Variants in CDH18 observed in about 807,000 individuals in gnomAD.
The protein encoded by CDH18 is cadherin-18.
In CDH18, 31 loss-of-function variants were observed where a neutral mutation model predicts 67.9. The ratio of observed to expected loss-of-function variants is 0.46; its 90% CI spans 0.34 to 0.62. The LOEUF (loss-of-function observed/expected upper bound fraction) is 0.62, where lower values mean the gene tolerates loss of function less well. Ranked by LOEUF, CDH18 falls within the 20% of genes least tolerant of loss-of-function variation. The pLI, the probability that CDH18 is intolerant of heterozygous loss-of-function variation, is 0.01. For missense variants in CDH18, 890 were observed against 975.5 expected, an observed-to-expected ratio of 0.91 and a Z score of 1.17; for synonymous variants, 362 against 347.2, an observed-to-expected ratio of 1.04 and a Z score of -0.48.
At chr5:20,042,510 C>T (rs748764940) in intron 2 of CDH18, among the ~76,000 whole-genome samples, 5 of 152,028 alleles carry the variant, frequency 3.3e-5, no homozygotes, top group Non-Finnish European at 5.9e-5. Flanking sequence ...TTTTTTCACA[C>T]AAAAACATAA....
chr5:19,836,130 A>C (rs1026600226), intron 3 of CDH18, among the ~76,000 whole-genome samples: 2 of 152,288 alleles, frequency 1.3e-5, no homozygotes, highest in Admixed American at 1.3e-4. Flanking sequence ...AATTTTAAGA[A>C]ATATGCATCA....
chr5:20,099,497 T>C (rs1302467373), intron 2 of CDH18, among the ~76,000 whole-genome samples: 3 of 152,294 alleles, frequency 2.0e-5, no homozygotes, highest in Non-Finnish European at 4.4e-5. Context: ...TTTTTCAGGA[T>C]AAAATTATTG....
intron 1 of CDH18, among the ~76,000 whole-genome samples, chr5:20,353,294 C>T (rs189297056): frequency 2.0e-5 from 3 of 152,230 alleles, no homozygotes; most frequent in African/African-American, 4.8e-5. Flanking sequence ...TGCATACATG[C>T]GCTTGCCAGT....
intron 1 of CDH18, among the ~76,000 whole-genome samples, chr5:20,571,454 T>C (rs1230395693): frequency 2.6e-5 from 4 of 152,108 alleles, no homozygotes; most frequent in Non-Finnish European, 4.4e-5. Context: ...TCAAGTCACA[T>C]TGCTTAATAA....
At position 19,647,527 on chromosome 5, in the gene CDH18, C is replaced by CAAAAAAAAAA. The variant is rs3062888; in HGVS notation, c.644-34936_644-34927dup. Among the ~76,000 whole-genome samples, 32 of 28,808 alleles carry CAAAAAAAAAA rather than the reference C, an allele frequency of 1.1e-3. 3 individuals are homozygous for CAAAAAAAAAA. Among genetic ancestry groups the CAAAAAAAAAA allele is most frequent in the South Asian group, 3.0e-3 (1 of 336 alleles). 18.9% of individuals were successfully genotyped at this position (28,808 alleles called of 152,430 possible). A position where few individuals can be genotyped will look rare whatever the true frequency, so the allele number is the denominator to read the frequency against. On this transcript the variant is annotated intron_variant, in intron 5 of 12. Coordinates refer to ENST00000382275, the MANE Select transcript of CDH18 (RefSeq NM_004934.5). ...CCCAGGTGACAGAGCGAGACTCCATCAAAAAAAAAAAAAAAAAAAAAAAAA... is the reference window on the plus strand; with the variant it reads ...CCCAGGTGACAGAGCGAGACTCCATCAAAAAAAAAAAAAAAAAAAAAAAAAAAAAAAAAAA...
chr5:19,677,605 G>T (rs1580824735), intron 5 of CDH18, among the ~76,000 whole-genome samples: 1 of 151,792 alleles, frequency 6.6e-6, no homozygotes, highest in Admixed American at 6.6e-5. Context: ...CCAATTAAAA[G>T]GAACAGAGTG....
intron 2 of CDH18, among the ~76,000 whole-genome samples, chr5:20,232,057 TAAGAG>T (rs1355804028): frequency 1.3e-5 from 2 of 152,124 alleles, no homozygotes; most frequent in African/African-American, 2.4e-5. Context: ...TCACTGTCTT[TAAGAG>T]AAAAGAGCAA....
intron 1 of CDH18, among the ~76,000 whole-genome samples, chr5:20,278,564 T>C (rs1203528140): frequency 1.3e-5 from 2 of 152,086 alleles, no homozygotes; most frequent in Non-Finnish European, 2.9e-5. Context: ...TAAAATATAA[T>C]TGAAGGTTAA....
chr5:20,338,654 T>G (rs2150039578), intron 1 of CDH18, among the ~76,000 whole-genome samples: 1 of 152,346 alleles, frequency 6.6e-6, no homozygotes, highest in Admixed American at 6.5e-5. Context: ...CCAGTTGCAA[T>G]GGAACTGAAA....
chr5:20,024,816 T>C (rs1187980639), intron 2 of CDH18, among the ~76,000 whole-genome samples: 1 of 152,126 alleles, frequency 6.6e-6, no homozygotes, highest in Non-Finnish European at 1.5e-5. Context: ...TGGTGGGGGC[T>C]AAAGCCATGT....
chr5:20,379,027 C>A (rs142464210), intron 1 of CDH18, among the ~76,000 whole-genome samples: 2 of 152,216 alleles, frequency 1.3e-5, no homozygotes, highest in East Asian at 3.9e-4. Flanking sequence ...GGCATGCTGT[C>A]TACACTCTAT....
chr5:20,189,824 T>G (rs1482154480), intron 2 of CDH18, among the ~76,000 whole-genome samples: 1 of 152,122 alleles, frequency 6.6e-6, no homozygotes, highest in Non-Finnish European at 1.5e-5. Flanking sequence ...ACTATGCCAG[T>G]TATTTATTTG....
At chr5:20,168,506 T>C (rs1736464705) in intron 2 of CDH18, among the ~76,000 whole-genome samples, 1 of 152,072 alleles carries the variant, frequency 6.6e-6, no homozygotes, top group African/African-American at 2.4e-5. Flanking sequence ...ATAATATCTA[T>C]TGGTGAGAGG....
At chr5:20,402,174 C>A (rs1196878639) in intron 1 of CDH18, among the ~76,000 whole-genome samples, 1 of 152,050 alleles carries the variant, frequency 6.6e-6, no homozygotes, top group Non-Finnish European at 1.5e-5. Flanking sequence ...CTACATGTAA[C>A]CTACTCAGAA....
chr5:20,315,656 T>C (rs1580733538), intron 1 of CDH18, among the ~76,000 whole-genome samples: 1 of 152,124 alleles, frequency 6.6e-6, no homozygotes, highest in South Asian at 2.1e-4. Flanking sequence ...CATTCCCACA[T>C]TGTGGATTTT....
At chr5:19,686,529 C>T (rs1048251634) in intron 5 of CDH18, among the ~76,000 whole-genome samples, 1 of 152,058 alleles carries the variant, frequency 6.6e-6, no homozygotes, top group Non-Finnish European at 1.5e-5. Flanking sequence ...GTTTAAAATG[C>T]CTATTTATGT....
intron 2 of CDH18, among the ~76,000 whole-genome samples, chr5:19,969,624 C>G (rs1797827223): frequency 6.7e-6 from 1 of 149,184 alleles, no homozygotes; most frequent in South Asian, 2.1e-4. Flanking sequence ...TGTTCTCACT[C>G]ATAGGTGGGA....
chr5:19,655,945 G>A (rs1756304896), intron 5 of CDH18, among the ~76,000 whole-genome samples: 1 of 149,942 alleles, frequency 6.7e-6, no homozygotes, highest in Non-Finnish European at 1.5e-5. Context: ...CCCATACACA[G>A]AGGAAGCACG....
intron 1 of CDH18, among the ~76,000 whole-genome samples, chr5:20,507,389 T>C (rs113645232): frequency 1.3e-5 from 2 of 152,340 alleles, no homozygotes; most frequent in African/African-American, 2.4e-5. Context: ...AATAATGTTA[T>C]ATTAACATTA....
Sources: allele counts gnomAD v4.1 joint callset (sites outside exome capture counted in the v4.1 genomes callset), GRCh38; gene constraint gnomAD v4.1.1; transcripts MANE v1.5; gene names NCBI Gene and HGNC (gene_info 2026-07-23, HGNC 2026-07-21).